NOL10: variants seen among roughly 807,000 people sequenced by gnomAD.
NOL10 encodes the protein H_NH0074G24.1.
A neutral mutation model predicts 103.5 loss-of-function variants in NOL10; 58 were observed. The observed-to-expected ratio is 0.56, with a 90% CI of 0.45 to 0.70. The LOEUF is 0.70. Among genes scored for constraint, NOL10 ranks in the 30% least tolerant of loss-of-function variants. The pLI is 0.00. For missense variants in NOL10, 763 were observed against 807.3 expected (o/e 0.95, Z 0.67); for synonymous variants, 287 against 282.5 (o/e 1.02, Z -0.16).
intron 13 of NOL10, among the ~76,000 whole-genome samples, chr2:10,619,133 G>T (rs911897615): frequency 6.6e-6 from 1 of 152,138 alleles, no homozygotes; most frequent in African/African-American, 2.4e-5. Context: ...ACTGTAGTAT[G>T]TATGTAGGTA....
chr2:10,612,833 C>T (rs1366595046), intron 13 of NOL10, among the ~76,000 whole-genome samples: 1 of 151,834 alleles, frequency 6.6e-6, no homozygotes, highest in Non-Finnish European at 1.5e-5. Flanking sequence ...TGTAGTGAGG[C>T]CTTGTCTCTA....
intron 13 of NOL10, among the ~76,000 whole-genome samples, chr2:10,610,584 G>A (rs11693092): frequency 0.037 from 5,675 of 152,148 alleles, 208 homozygotes; most frequent in African/African-American, 0.094. Flanking sequence ...ATTTACACTG[G>A]TATAAAATGC....
intron 17 of NOL10, among the ~76,000 whole-genome samples, chr2:10,590,269 C>T (rs986939446): frequency 6.6e-5 from 10 of 152,094 alleles, no homozygotes; most frequent in African/African-American, 2.4e-4. Flanking sequence ...CCACCGCACC[C>T]GGCTAATTTT....
intron 8 of NOL10, among the ~76,000 whole-genome samples, chr2:10,664,665 C>T (rs1050404056): frequency 1.3e-5 from 2 of 152,174 alleles, no homozygotes; most frequent in South Asian, 4.1e-4. Flanking sequence ...TCAGCTTCCC[C>T]AGTAGCTGCA....
intron 10 of NOL10, 120 bp from the exon 11 acceptor site, chr2:10,658,011 C>A: frequency 1.6e-6 from 1 of 623,044 alleles, no homozygotes; most frequent in South Asian, 3.3e-5. Context: ...CAATGAACAC[C>A]CTTACTCAAG....
intron 3 of NOL10, among the ~76,000 whole-genome samples, chr2:10,677,922 T>C (rs1486713484): frequency 2.7e-5 from 4 of 150,388 alleles, no homozygotes; most frequent in African/African-American, 9.8e-5. Context: ...TATATATCCA[T>C]ATAGACAGAT....
chr2:10,638,284 C>T (rs964001388), intron 13 of NOL10, among the ~76,000 whole-genome samples: 36 of 150,776 alleles, frequency 2.4e-4, no homozygotes, highest in Non-Finnish European at 7.4e-5. Flanking sequence ...GACCCTGTCT[C>T]ATTCAAAAAT....
chr2:10,614,906 C>T (rs1676754605), intron 13 of NOL10, among the ~76,000 whole-genome samples: 2 of 152,230 alleles, frequency 1.3e-5, no homozygotes, highest in Admixed American at 1.3e-4. Context: ...AGAAAACCAA[C>T]TCTGCATATA....
In NOL10 at chr2:10,594,763, G is replaced by A. The variant is rs1675576949; in HGVS notation, c.1423-5012C>T. Among the ~76,000 whole-genome samples the A allele has an allele frequency of 2.0e-5, 3 of 152,176 alleles. No homozygotes were observed. In the South Asian group the frequency reaches 6.2e-4, roughly 32 times the overall value. On this transcript the variant is annotated intron_variant, in intron 17 of 20. Coordinates refer to ENST00000381685, the MANE Select transcript of NOL10 (RefSeq NM_024894.4). ...CCCAACACTTTGGGAGGCTGAGGTG[G>A]GAGGATCTCTTGAGCTCAGGAGTTG...
At chr2:10,677,149 G>A (rs1279258537) in intron 3 of NOL10, among the ~76,000 whole-genome samples, 2 of 152,080 alleles carry the variant, frequency 1.3e-5, no homozygotes, top group Non-Finnish European at 2.9e-5. Context: ...ATGTTGGCCA[G>A]GCTGGTCTTG....
chr2:10,656,243 T>G (rs1049360931), intron 11 of NOL10, among the ~76,000 whole-genome samples: 1 of 152,182 alleles, frequency 6.6e-6, no homozygotes, highest in Non-Finnish European at 1.5e-5. Context: ...ATCAATTAGT[T>G]TGAATTGCCA....
Position 10,662,962 on chromosome 2 carries a change from G to A in NOL10, c.674C>T (p.Ser225Leu), listed in dbSNP as rs530906886. 5.6e-6 allele frequency: 9 copies of A among 1,611,588 alleles called. No individual in the cohort carries two copies. In the South Asian group the frequency reaches 9.9e-5, roughly 18 times the overall value. The change falls in exon 9 of 21, where the codon TCA (serine) becomes TTA (leucine). Residue 225 changes from serine (S) to leucine (L), a missense_variant. Coordinates refer to ENST00000381685, the MANE Select transcript of NOL10 (RefSeq NM_024894.4). ...TTGCAAATTAATTTCTACTTACTCT[G>A]AATCTGCTGTGACACTGTTTAAGGC... Reference protein sequence around the residue: ...DCALNSVTADSEINSLPTISA... With the variant: ...DCALNSVTADLEINSLPTISA...
At chr2:10,574,405 T>A (rs1674343024) in intron 20 of NOL10, among the ~76,000 whole-genome samples, 1 of 152,200 alleles carries the variant, frequency 6.6e-6, no homozygotes, top group Non-Finnish European at 1.5e-5. Context: ...CCCAGCACTT[T>A]GGGAGGCTGA....
At chr2:10,612,980 G>A (rs1676649288) in intron 13 of NOL10, among the ~76,000 whole-genome samples, 2 of 149,376 alleles carry the variant, frequency 1.3e-5, no homozygotes. Context: ...TTCCAGCCTG[G>A]GCAACAGAAT....
At chr2:10,573,277 T>A (rs956178346) in intron 20 of NOL10, among the ~76,000 whole-genome samples, 6 of 152,162 alleles carry the variant, frequency 3.9e-5, no homozygotes, top group Admixed American at 1.3e-4. Context: ...CACTGCAACC[T>A]CTGCCTCCCG....
intron 13 of NOL10, among the ~76,000 whole-genome samples, chr2:10,642,374 T>C (rs1403322896): frequency 6.6e-6 from 1 of 152,224 alleles, no homozygotes; most frequent in Non-Finnish European, 1.5e-5. Context: ...ATCTCTCCTG[T>C]GGGCTGCCAC....
intron 19 of NOL10, among the ~76,000 whole-genome samples, chr2:10,582,531 A>G (rs923114770): frequency 1.3e-5 from 2 of 152,166 alleles, no homozygotes; most frequent in Non-Finnish European, 2.9e-5. Context: ...CTTGCAGGTC[A>G]TGGCTGCTCC....
At chr2:10,591,157 C>T (rs1035328644) in intron 17 of NOL10, 5 of 152,142 alleles carry the variant, frequency 3.3e-5, no homozygotes, top group African/African-American at 9.7e-5. Flanking sequence ...ATATTAAATG[C>T]AGCAAGTTTC....
In NOL10 at chr2:10,571,423, A is replaced by C. The variant is rs1197939757; in HGVS notation, c.*648T>G. On this transcript the variant is annotated 3_prime_UTR_variant, in exon 21 of 21. Transcript: ENST00000381685. ...TCTTTTCTTTACTTATAAATTACCC[A>C]GTTTCAGGTAGTTCTTTATAGCAGT... The C allele has an allele frequency of 6.6e-6, 1 of 152,382 alleles. No homozygotes were observed. The highest frequency in any genetic ancestry group is 1.5e-5 in the Non-Finnish European group (1 of 68,208). 9.4% of individuals were successfully genotyped at this position (152,382 alleles called of 1,614,324 possible).
Sources: gnomAD v4.1 joint callset for allele counts (sites outside exome capture counted in the v4.1 genomes callset) on GRCh38, gnomAD v4.1.1 for gene constraint, MANE v1.5 for transcripts, NCBI Gene and HGNC (gene_info 2026-07-23, HGNC 2026-07-21) for gene names.